CBFA2T3: variants seen among roughly 807,000 people sequenced by gnomAD.
The protein encoded by CBFA2T3 is CBFA2/RUNX1 partner transcriptional co-repressor 3, also known as transcriptional corepressor CBFA2T3.
CBFA2T3 carries 31 observed loss-of-function variants against 58.6 expected under a neutral mutation model. The ratio of observed to expected loss-of-function variants is 0.53; its 90% CI spans 0.40 to 0.71. CBFA2T3 has a LOEUF of 0.71. Ranked by LOEUF, CBFA2T3 falls within the 30% of genes least tolerant of loss-of-function variation. The pLI, the probability that CBFA2T3 is intolerant of heterozygous loss-of-function variation, is 0.00. For missense variants in CBFA2T3, 1,076 were observed against 963.1 expected (o/e 1.12, Z -1.55); for synonymous variants, 531 against 421.9 (o/e 1.26, Z -3.17).
At chr16:88,926,266 G>A (rs1971082473) in intron 1 of CBFA2T3, among the ~76,000 whole-genome samples, 1 of 152,202 alleles carries the variant, frequency 6.6e-6, no homozygotes, top group African/African-American at 2.4e-5. Context: ...TGGGTTCCGT[G>A]CAGGGAGTTC....
rs142024630 is a variant in CBFA2T3 at position 88,967,588 on chromosome 16, C to T, written c.151+9069G>A. 9.8e-3 allele frequency among the ~76,000 whole-genome samples: 1,483 copies of T among 152,096 alleles called. 20 individuals are homozygous for T. The highest frequency in any genetic ancestry group is 0.032 in the African/African-American group (1,328 of 41,482). On this transcript the variant is annotated intron_variant, in intron 1 of 11. Coordinates refer to ENST00000268679, the MANE Select transcript of CBFA2T3 (RefSeq NM_005187.6). ...GCCGCCCCCAGGTGGGGTGGCCTTCCGGGCTGGGGACACTGGACCTACAGG... is the reference window on the plus strand; with the variant it reads ...GCCGCCCCCAGGTGGGGTGGCCTTCTGGGCTGGGGACACTGGACCTACAGG...
intron 11 of CBFA2T3, among the ~76,000 whole-genome samples, chr16:88,878,738 G>C (rs1353791097): frequency 6.6e-6 from 1 of 152,196 alleles, no homozygotes; most frequent in African/African-American, 2.4e-5. Flanking sequence ...CTGAGGTCAG[G>C]AGTTCGAGAC....
intron 1 of CBFA2T3, among the ~76,000 whole-genome samples, chr16:88,966,556 G>A (rs1972508243): frequency 1.3e-5 from 2 of 152,056 alleles, no homozygotes; most frequent in East Asian, 1.9e-4. Context: ...AGTGGAAGCA[G>A]TAGAAGCACC....
intron 3 of CBFA2T3, among the ~76,000 whole-genome samples, chr16:88,894,702 C>T (rs1041357898): frequency 2.0e-5 from 3 of 152,272 alleles, no homozygotes; most frequent in African/African-American, 4.8e-5. Context: ...GGATCCACCC[C>T]TCACCCGTGC....
chr16:88,937,065 C>A (rs531759710), intron 1 of CBFA2T3: 1 of 152,400 alleles, frequency 6.6e-6, no homozygotes, highest in Admixed American at 6.5e-5. Flanking sequence ...TCGGCTAAGG[C>A]GGCCCTCCCA....
chr16:88,947,410 C>T (rs1032365056), intron 1 of CBFA2T3, among the ~76,000 whole-genome samples: 1 of 152,236 alleles, frequency 6.6e-6, no homozygotes, highest in Non-Finnish European at 1.5e-5. Context: ...TTCCATTCTA[C>T]CCAGCCGATT....
intron 1 of CBFA2T3, among the ~76,000 whole-genome samples, chr16:88,925,450 T>C (rs1298752725): frequency 6.6e-6 from 1 of 152,184 alleles, no homozygotes; most frequent in Admixed American, 6.5e-5. Context: ...GGGAATATTC[T>C]GCAGGGGAGG....
chr16:88,904,323 G>A (rs1340465767), intron 1 of CBFA2T3, among the ~76,000 whole-genome samples: 2 of 152,104 alleles, frequency 1.3e-5, no homozygotes, highest in Admixed American at 6.5e-5. Flanking sequence ...CATCCTCACC[G>A]AGACCCTCTG....
chr16:88,908,065 G>T (rs535672169), intron 1 of CBFA2T3, among the ~76,000 whole-genome samples: 1 of 152,328 alleles, frequency 6.6e-6, no homozygotes, highest in Admixed American at 6.5e-5. Flanking sequence ...AGACCTGCCA[G>T]ACGTGGTGAC....
At chr16:88,925,488 A>G (rs983151184) in intron 1 of CBFA2T3, among the ~76,000 whole-genome samples, 1 of 152,250 alleles carries the variant, frequency 6.6e-6, no homozygotes, top group East Asian at 1.9e-4. Context: ...AGGCAGCCAG[A>G]GACCTGCTCC....
chr16:88,939,793 G>C (rs886849419), intron 1 of CBFA2T3: 1 of 152,280 alleles, frequency 6.6e-6, no homozygotes. Flanking sequence ...CCGCGAAAGC[G>C]ATGCCAGGGG....
At chr16:88,927,317 C>T (rs1207466832) in intron 1 of CBFA2T3, among the ~76,000 whole-genome samples, 1 of 152,236 alleles carries the variant, frequency 6.6e-6, no homozygotes, top group African/African-American at 2.4e-5. Flanking sequence ...CACTGATGCC[C>T]CCGCTGAGGT....
At chr16:88,904,310 T>C (rs1346161995) in intron 1 of CBFA2T3, among the ~76,000 whole-genome samples, 2 of 152,112 alleles carry the variant, frequency 1.3e-5, no homozygotes, top group East Asian at 1.9e-4. Context: ...CGACGACTCA[T>C]TGCATCCTCA....
At chr16:88,950,487 C>T (rs554134830) in intron 1 of CBFA2T3, 11 of 411,854 alleles carry the variant, frequency 2.7e-5, no homozygotes, top group Non-Finnish European at 5.3e-5. Context: ...GGACCGGCAC[C>T]GCCACAGAGG....
intron 1 of CBFA2T3, among the ~76,000 whole-genome samples, chr16:88,934,612 A>G (rs997141799): frequency 3.3e-5 from 5 of 152,232 alleles, no homozygotes; most frequent in African/African-American, 1.2e-4. Context: ...AGAGGAGCGG[A>G]GAGGAGTCTG....
intron 1 of CBFA2T3, among the ~76,000 whole-genome samples, chr16:88,959,188 T>G (rs8043943): frequency 0.37 from 56,067 of 152,108 alleles, 10,833 homozygotes; most frequent in Middle Eastern, 0.55. Flanking sequence ...CTGTGTGCCA[T>G]GTGTTCAGGT....
At position 88,927,864 on chromosome 16, in the gene CBFA2T3, C is replaced by T. The variant is rs143361380; in HGVS notation, c.152-26208G>A. On this transcript the variant is annotated intron_variant, in intron 1 of 11. Coordinates refer to ENST00000268679, the MANE Select transcript of CBFA2T3 (RefSeq NM_005187.6). ...CCCTCCTGCTGGGCTGCACGGGCCACGATGGAAAGGCGCCTCGTGACACGC... is the reference window on the plus strand; with the variant it reads ...CCCTCCTGCTGGGCTGCACGGGCCATGATGGAAAGGCGCCTCGTGACACGC... Among the ~76,000 whole-genome samples the T allele has an allele frequency of 6.7e-3, 1,018 of 152,326 alleles. 17 individuals are homozygous for T. Among genetic ancestry groups the T allele is most frequent in the African/African-American group, 0.023 (971 of 41,588 alleles).
At position 88,885,924 on chromosome 16, in the gene CBFA2T3, G is replaced by A. The variant is rs553936717; in HGVS notation, c.893+37C>T. ...GGAGCAGGGTGAGCCGCGTGTCCAC[G>A]GCACCCCCAGCCCAGATCCCCGGAG... On this transcript the variant is annotated intron_variant, in intron 6 of 11. Coordinates refer to ENST00000268679, the MANE Select transcript of CBFA2T3 (RefSeq NM_005187.6). This position sits in a 1 kb window ranked among gnomAD's most constrained non-coding sequence, Gnocchi z 5.3. 5.2e-6 allele frequency: 8 copies of A among 1,532,686 alleles called. No individual in the cohort carries two copies. Among genetic ancestry groups the A allele is most frequent in the East Asian group, 2.5e-5 (1 of 40,798 alleles). 94.9% of individuals were successfully genotyped at this position (1,532,686 alleles called of 1,614,324 possible).
chr16:88,905,151 C>A (rs1255041169), intron 1 of CBFA2T3, among the ~76,000 whole-genome samples: 5 of 151,860 alleles, frequency 3.3e-5, no homozygotes, highest in Non-Finnish European at 2.9e-5. Context: ...GAGTGGGCAG[C>A]GGGGAGTCTG....
Sources: allele counts gnomAD v4.1 joint callset (sites outside exome capture counted in the v4.1 genomes callset), GRCh38; gene constraint gnomAD v4.1.1; non-coding constraint Gnocchi (gnomAD v3.1); transcripts MANE v1.5; gene names NCBI Gene and HGNC (gene_info 2026-07-23, HGNC 2026-07-21).